Variants in TRPC3 observed in about 807,000 individuals in gnomAD.
TRPC3 encodes the protein short transient receptor potential channel 3.
Under a neutral mutation model 90.9 loss-of-function variants are expected in TRPC3, and 54 were observed. The ratio of observed to expected loss-of-function variants is 0.59; its 90% CI spans 0.48 to 0.75. The LOEUF (loss-of-function observed/expected upper bound fraction) is 0.75. Among genes scored for constraint, TRPC3 ranks in the 30% least tolerant of loss-of-function variants. The pLI is 0.00. For missense variants in TRPC3, 918 were observed against 1,194.5 expected, an observed-to-expected ratio of 0.77 and a Z score of 3.41; for synonymous variants, 424 against 450.9, an observed-to-expected ratio of 0.94 and a Z score of 0.75.
At chr4:121,942,613 A>T (rs11728898) in intron 1 of TRPC3, among the ~76,000 whole-genome samples, 72,109 of 152,082 alleles carry the variant, frequency 0.47, 18,225 homozygotes, top group East Asian at 0.59. Flanking sequence ...AATCTATTAG[A>T]TATATGCTAA....
Position 121,914,647 on chromosome 4 carries a change from G to A in TRPC3, c.1341+133C>T, listed in dbSNP as rs535352965. ...GAATTGATCCAGTAATTAAAAAGGA[G>A]AATCTGTGTTCTTGAATCAATTAAC... is the stretch of plus-strand genomic sequence containing the variant. On this transcript the variant is annotated intron_variant, in intron 4 of 11. Transcript: ENST00000379645. 11 of 969,654 alleles carry A rather than the reference G, an allele frequency of 1.1e-5. No individual in the cohort carries two copies. In the African/African-American group the frequency reaches 1.8e-4, roughly 16 times the overall value. The allele number at this position is 969,654 out of a possible 1,614,324, so 60.1% of individuals were successfully genotyped here.
chr4:121,936,191 T>C (rs911977573), intron 1 of TRPC3, among the ~76,000 whole-genome samples: 1 of 152,206 alleles, frequency 6.6e-6, no homozygotes, highest in Non-Finnish European at 1.5e-5. Context: ...CTAAGATAAA[T>C]TTCATTAATC....
intron 1 of TRPC3, among the ~76,000 whole-genome samples, chr4:121,935,542 T>G (rs1355792644): frequency 6.6e-6 from 1 of 152,156 alleles, no homozygotes. Flanking sequence ...TAAACAAATC[T>G]TGTAAATATT....
At chr4:121,940,085 G>A (rs1342262991) in intron 1 of TRPC3, among the ~76,000 whole-genome samples, 1 of 152,142 alleles carries the variant, frequency 6.6e-6, no homozygotes, top group African/African-American at 2.4e-5. Flanking sequence ...AGACAGACAG[G>A]CCACTGAGAC....
In TRPC3 at chr4:121,878,188, T is replaced by A. The variant is rs1727821885; in HGVS notation, c.*1548A>T. On this transcript the variant is annotated 3_prime_UTR_variant, in exon 12 of 12. Transcript: ENST00000379645. The stretch of plus-strand genomic sequence containing the variant: ...ACTCTTAGCATGGCACAAAAGTTAA[T>A]GAAGTGTTCTACAATGGTAGCAAAA... Among the ~76,000 whole-genome samples the A allele has an allele frequency of 6.6e-6, 1 of 152,230 alleles. No homozygotes were observed. The highest frequency in any genetic ancestry group is 1.5e-5 in the Non-Finnish European group (1 of 68,018).
Position 121,876,409 on chromosome 4 carries a change from G to A in TRPC3, c.*3327C>T, listed in dbSNP as rs1727764571. On this transcript the variant is annotated 3_prime_UTR_variant, in exon 12 of 12. Transcript: ENST00000379645. ...GCTCCAGGGACTAGGAACCCCTGAT[G>A]TAGCATAACCCTGTTTGCCTGAACC... Among the ~76,000 whole-genome samples, 1 of 152,140 alleles carries A rather than the reference G, an allele frequency of 6.6e-6. No individual in the cohort carries two copies. Among genetic ancestry groups the A allele is most frequent in the African/African-American group, 2.4e-5 (1 of 41,430 alleles).
intron 1 of TRPC3, among the ~76,000 whole-genome samples, chr4:121,940,099 G>A (rs750207257): frequency 1.3e-5 from 2 of 152,174 alleles, no homozygotes; most frequent in Non-Finnish European, 2.9e-5. Flanking sequence ...CTGAGACTCT[G>A]AGCCCTTTAG....
chr4:121,899,692 T>G lies in TRPC3; in HGVS notation c.2467A>C (p.Asn823His). 2 of 1,610,654 alleles carry G rather than the reference T, an allele frequency of 1.2e-6. No homozygotes were observed. The highest frequency in any genetic ancestry group is 1.7e-6 in the Non-Finnish European group (2 of 1,177,452). Reference sequence around the variant, plus strand: ...CTTGAGTTAGACTGAGTGAAGAGGTTTAACTAGGAAAAAATACAATTAACC... The same window carrying G: ...CTTGAGTTAGACTGAGTGAAGAGGTGTAACTAGGAAAAAATACAATTAACC... ...MGMGNSKSRL[N>H]LFTQSNSRVF... The change falls in exon 10 of 12, where the codon AAC becomes CAC. Residue 823 changes from asparagine (N) to histidine (H), a missense_variant. Transcript: ENST00000379645.
chr4:121,945,685 A>C (rs528845981), intron 1 of TRPC3, among the ~76,000 whole-genome samples: 2 of 152,206 alleles, frequency 1.3e-5, no homozygotes, highest in East Asian at 3.8e-4. Flanking sequence ...GCTAATTGAT[A>C]TGGTTAAGTG....
chr4:121,925,679 T>A (rs1476003676), intron 2 of TRPC3, among the ~76,000 whole-genome samples: 3 of 152,184 alleles, frequency 2.0e-5, no homozygotes, highest in Non-Finnish European at 4.4e-5. Flanking sequence ...AATTGATGAG[T>A]AAATTTCAAA....
At chr4:121,940,291 T>G (rs574053565) in intron 1 of TRPC3, among the ~76,000 whole-genome samples, 2 of 152,370 alleles carry the variant, frequency 1.3e-5, no homozygotes, top group South Asian at 4.1e-4. Flanking sequence ...GATTGCACTA[T>G]TCACTTGTTG....
At position 121,879,711 on chromosome 4, in the gene TRPC3, T is replaced by A; in HGVS notation, c.*25A>T. ...ATTATTGCCCACATTTGTGCTATAG[T>A]CAAAGCCAAATCCAGGTTGCTGCAT... On this transcript the variant is annotated 3_prime_UTR_variant, in exon 12 of 12. Coordinates refer to ENST00000379645, the MANE Select transcript of TRPC3 (RefSeq NM_001130698.2). 1.3e-6 allele frequency: 2 copies of A among 1,597,734 alleles called. No individual in the cohort carries two copies. The highest frequency in any genetic ancestry group is 1.7e-6 in the Non-Finnish European group (2 of 1,174,628).
At chr4:121,945,082 G>A (rs1157066187) in intron 1 of TRPC3, among the ~76,000 whole-genome samples, 2 of 152,190 alleles carry the variant, frequency 1.3e-5, no homozygotes, top group East Asian at 3.9e-4. Flanking sequence ...TTAAATTTCA[G>A]AAGTGTGGTA....
rs767396844 is a variant in TRPC3, at chr4:121,929,138, T to C, written c.987+3133A>G. On this transcript the variant is annotated intron_variant, in intron 2 of 11. Coordinates refer to ENST00000379645, the MANE Select transcript of TRPC3 (RefSeq NM_001130698.2). ...ACCAGGTACATTATATTAGATATAA[T>C]ACCTACGACTGGGACTCAAGACACT... is the stretch of plus-strand genomic sequence containing the variant. 2.7e-4 allele frequency among the ~76,000 whole-genome samples: 41 copies of C among 152,210 alleles called. 2 individuals carry two copies. Among genetic ancestry groups the C allele is most frequent in the Admixed American group, 2.6e-3 (39 of 15,274 alleles).
intron 1 of TRPC3, among the ~76,000 whole-genome samples, chr4:121,934,210 G>A (rs1277312248): frequency 1.3e-5 from 2 of 152,088 alleles, no homozygotes; most frequent in African/African-American, 2.4e-5. Flanking sequence ...GCATCCTTAC[G>A]CCAGGTAGAA....
intron 2 of TRPC3, 114 bp from the exon 3 acceptor site, chr4:121,925,320 C>T: frequency 8.9e-7 from 1 of 1,125,358 alleles, no homozygotes; most frequent in Non-Finnish European, 1.2e-6. Flanking sequence ...AAGCTGCAGC[C>T]CACCTGGATG....
intron 1 of TRPC3, among the ~76,000 whole-genome samples, chr4:121,940,027 A>G (rs1730253580): frequency 6.6e-6 from 1 of 152,232 alleles, no homozygotes; most frequent in Non-Finnish European, 1.5e-5. Flanking sequence ...AACTAAGATA[A>G]AAGAGGTCAG....
intron 1 of TRPC3, among the ~76,000 whole-genome samples, chr4:121,935,356 G>A (rs952734773): frequency 6.6e-6 from 1 of 151,780 alleles, no homozygotes; most frequent in Non-Finnish European, 1.5e-5. Context: ...GGAGTAGAGT[G>A]TATGTGTGGT....
chr4:121,951,557 C>T lies in TRPC3; in HGVS notation c.124G>A (p.Gly42Ser). 1 of 1,436,198 alleles carries T rather than the reference C, an allele frequency of 7.0e-7. No homozygotes were observed. Among genetic ancestry groups the T allele is most frequent in the Non-Finnish European group, 9.2e-7 (1 of 1,091,696 alleles). 89.0% of individuals were successfully genotyped at this position (1,436,198 alleles called of 1,614,324 possible). The change falls in exon 1 of 12, where the codon GGC becomes AGC. Residue 42 changes from glycine to serine, a missense_variant. By Grantham distance (56) the Gly-to-Ser change is moderately conservative. Transcript: ENST00000379645. The surrounding 1 kb of genome is among the most constrained non-coding windows in gnomAD (Gnocchi z 4.4). ...EPQRRRRGWR[G>S]VNGGLEPRSA... The stretch of plus-strand genomic sequence containing the variant: ...CGCGGCTCCAGCCCCCCGTTGACGC[C>T]CCTCCAGCCCCGGCGGCGGCGCTGC...
Sources: gnomAD v4.1 joint callset for allele counts (sites outside exome capture counted in the v4.1 genomes callset) on GRCh38, gnomAD v4.1.1 for gene constraint, Gnocchi (gnomAD v3.1) non-coding constraint, MANE v1.5 for transcripts, NCBI Gene and HGNC (gene_info 2026-07-23, HGNC 2026-07-21) for gene names.